Variants in SARDH observed in about 807,000 individuals in gnomAD.
The protein encoded by SARDH is sarcosine dehydrogenase, mitochondrial.
A neutral mutation model predicts 109.1 loss-of-function variants in SARDH; 95 were observed. The ratio of observed to expected loss-of-function variants is 0.87; its 90% CI spans 0.74 to 1.03. The LOEUF (loss-of-function observed/expected upper bound fraction) is 1.03, where lower values mean the gene tolerates loss of function less well. SARDH is among the 50% of genes least tolerant of loss of function. The pLI is 0.00. For synonymous variants in SARDH, 572 were observed against 534.8 expected (o/e 1.07, Z -0.96); for missense variants, 1,267 against 1,287.8 (o/e 0.98, Z 0.25).
In SARDH at chr9:133,712,294, G is replaced by A. The variant is rs1039423795; in HGVS notation, c.1328+325C>T. Among the ~76,000 whole-genome samples, 2 of 152,088 alleles carry A rather than the reference G, an allele frequency of 1.3e-5. No homozygotes were observed. The highest frequency in any genetic ancestry group is 6.5e-5 in the Admixed American group (1 of 15,282). ...AGCACAGTTTTCCCAGCTCAGCCCCGCTCCCTCCTGCCCCCAGGCCTCAGT... is the reference window on the plus strand; with the variant it reads ...AGCACAGTTTTCCCAGCTCAGCCCCACTCCCTCCTGCCCCCAGGCCTCAGT... On this transcript the variant is annotated intron_variant, in intron 10 of 20. Transcript: ENST00000439388. The surrounding 1 kb of genome is among the most constrained non-coding windows in gnomAD (Gnocchi z 4.1).
rs1026016826 is a variant in SARDH, at chr9:133,666,693, G to A, written c.2631+42C>T. The A allele has an allele frequency of 1.9e-6, 3 of 1,559,856 alleles. No homozygotes were observed. The highest frequency in any genetic ancestry group is 1.7e-6 in the Non-Finnish European group (2 of 1,152,160). On this transcript the variant is annotated intron_variant, in intron 20 of 20. Coordinates refer to ENST00000439388, the MANE Select transcript of SARDH (RefSeq NM_001134707.2). This position sits in a 1 kb window ranked among gnomAD's most constrained non-coding sequence, Gnocchi z 5.2. ...AGGGAGCTGGTTTGGAGCTGGTGAG[G>A]GATCGGCATCTGCCTTAGCAGGGCC...
downstream of SARDH, among the ~76,000 whole-genome samples, chr9:133,661,346 AAAACAAC>A (rs1275062898): frequency 2.7e-5 from 4 of 150,916 alleles, no homozygotes; most frequent in East Asian, 5.8e-4. Flanking sequence ...TCTCAAAAAA[AAAACAAC>A]AACAACAAAA....
chr9:133,702,792 T>C (rs1254255450), intron 13 of SARDH, 124 bp downstream of exon 13: 2 of 776,086 alleles, frequency 2.6e-6, no homozygotes, highest in Non-Finnish European at 4.3e-6. Flanking sequence ...AAAGCGTGAA[T>C]GCAGAGCCCG....
intron 12 of SARDH, 83 bp from the exon 13 acceptor site, chr9:133,703,112 G>A: frequency 8.1e-7 from 1 of 1,239,092 alleles, no homozygotes; most frequent in Non-Finnish European, 1.2e-6. Flanking sequence ...CGCTGAGGCT[G>A]TGATGGGGTC....
chr9:133,726,876 G>A (rs977870552), intron 6 of SARDH, among the ~76,000 whole-genome samples: 1 of 152,220 alleles, frequency 6.6e-6, no homozygotes. Flanking sequence ...AGCACCTGCT[G>A]TATGCCGGGC....
intron 17 of SARDH, among the ~76,000 whole-genome samples, chr9:133,675,125 T>A (rs562733842): frequency 1.3e-5 from 2 of 152,114 alleles, no homozygotes; most frequent in East Asian, 3.9e-4. Flanking sequence ...GGGAGGACCA[T>A]CTGAGGTCAG....
At position 133,670,671 on chromosome 9, in the gene SARDH, G is replaced by A. The variant is rs778331781; in HGVS notation, c.2408C>T (p.Ser803Leu). Residue 803 changes from serine to leucine, a missense_variant, in exon 19 of 21, where the codon TCG (serine) becomes TTG (leucine). By Grantham distance (145) the Ser-to-Leu change is moderately radical. Transcript: ENST00000439388. The stretch of plus-strand genomic sequence containing the variant: ...CTCCCTCCCCAGGAAGGGCACCGGC[G>A]ACTTGAGCTTGCAGGTGAAGGCCAG... The part of the protein sequence containing the change: ...AGLAFTCKLK[S>L]PVPFLGREAL... 26 of 1,605,462 alleles carry A rather than the reference G, an allele frequency of 1.6e-5. No homozygotes were observed. The highest frequency in any genetic ancestry group is 3.4e-5 in the Admixed American group (2 of 59,086).
chr9:133,665,511 C>T (rs1830032239), intron 20 of SARDH, among the ~76,000 whole-genome samples: 1 of 152,216 alleles, frequency 6.6e-6, no homozygotes, highest in South Asian at 2.1e-4. Flanking sequence ...GGTGAGTGTC[C>T]ACATTTTATA....
rs181201072 is a variant in SARDH, at chr9:133,735,313, G to A, written c.-30-1110C>T. On this transcript the variant is annotated intron_variant, in intron 1 of 20. Transcript: ENST00000439388. Reference sequence around the variant, plus strand: ...ATTGCAGAGTAGGGGCTCAGAAGCCGGGTTAACAGGCCTTCCTCCCCTCTG... The same window carrying A: ...ATTGCAGAGTAGGGGCTCAGAAGCCAGGTTAACAGGCCTTCCTCCCCTCTG... 3.2e-3 allele frequency among the ~76,000 whole-genome samples: 493 copies of A among 152,290 alleles called. 1 individual carries two copies. Among genetic ancestry groups the A allele is most frequent in the Admixed American group, 5.7e-3 (87 of 15,304 alleles).
rs376119469 is a variant in SARDH, at chr9:133,674,079, CCTCT to C, written c.2164-2386_2164-2383del. Among the ~76,000 whole-genome samples, 63 of 152,352 alleles carry C rather than the reference CCTCT, an allele frequency of 4.1e-4. No individual in the cohort carries two copies. The South Asian group carries it at 7.0e-3, about 17-fold the overall frequency. On this transcript the variant is annotated intron_variant, in intron 17 of 20. Transcript: ENST00000439388. ...GAGGGAGGCTGGGGAAATCCAGGGG[CCTCT>C]CTAAGTTCACGGAATCACTAGTTGT... is the stretch of plus-strand genomic sequence containing the variant.
chr9:133,671,483 T>C (rs1025731251), intron 18 of SARDH, 52 bp downstream of exon 18: 15 of 1,505,406 alleles, frequency 1.0e-5, no homozygotes, highest in Non-Finnish European at 1.3e-5. Flanking sequence ...CGAGCGTCAC[T>C]GCCCCCCACT....
chr9:133,665,989 G>C (rs538576166), intron 20 of SARDH, among the ~76,000 whole-genome samples: 1 of 152,174 alleles, frequency 6.6e-6, no homozygotes, highest in African/African-American at 2.4e-5. Context: ...CAGAAAGATG[G>C]GAAAAGGAGG....
At chr9:133,710,463 G>GT (rs1831876153) in intron 10 of SARDH, among the ~76,000 whole-genome samples, 1 of 152,376 alleles carries the variant, frequency 6.6e-6, no homozygotes, top group Middle Eastern at 3.4e-3. Context: ...GACGGCTCAG[G>GT]CTGCCTGGTC....
chr9:133,687,953 G>A (rs1006105111), intron 16 of SARDH, among the ~76,000 whole-genome samples: 16 of 152,118 alleles, frequency 1.1e-4, no homozygotes, highest in Non-Finnish European at 2.1e-4. Context: ...TGCCTCCCCC[G>A]CCACCGCCTG....
Position 133,693,500 on chromosome 9 carries a change from G to T in SARDH, c.1921+758C>A, listed in dbSNP as rs934903639. Among the ~76,000 whole-genome samples the T allele has an allele frequency of 2.6e-5, 4 of 152,258 alleles. No homozygotes were observed. Among genetic ancestry groups the T allele is most frequent in the African/African-American group, 4.8e-5 (2 of 41,464 alleles). ...GCCCCTGCCCCGGGGACAGCACAGA[G>T]AGCTGCACGGTCAGCACCTTCCCCT... On this transcript the variant is annotated intron_variant, in intron 15 of 20. Coordinates refer to ENST00000439388, the MANE Select transcript of SARDH (RefSeq NM_001134707.2). The surrounding 1 kb of genome is among the most constrained non-coding windows in gnomAD (Gnocchi z 5.6).
At chr9:133,678,426 C>G (rs1830588795) in intron 17 of SARDH, among the ~76,000 whole-genome samples, 1 of 152,236 alleles carries the variant, frequency 6.6e-6, no homozygotes, top group African/African-American at 2.4e-5. Context: ...GCCAGAATTC[C>G]TCTTTCCCCA....
intron 10 of SARDH, among the ~76,000 whole-genome samples, chr9:133,710,482 C>T (rs771252923): frequency 7.9e-5 from 12 of 152,354 alleles, no homozygotes; most frequent in Non-Finnish European, 1.3e-4. Context: ...TCTCCCGGGA[C>T]GCCCCCTCGC....
intron 4 of SARDH, among the ~76,000 whole-genome samples, chr9:133,730,472 A>ATTT (rs778714970): frequency 0.43 from 38,260 of 88,672 alleles, 5,292 homozygotes; most frequent in Non-Finnish European, 0.48. Context: ...CTTTTTTTTA[A>ATTT]AAAAAAAAAG....
rs912665585 is a variant in SARDH, at chr9:133,690,663, C to A, written c.1922-136G>T. 6.2e-6 allele frequency: 6 copies of A among 970,860 alleles called. No homozygotes were observed. In the African/African-American group the frequency reaches 8.2e-5, roughly 13 times the overall value. The allele number at this position is 970,860 out of a possible 1,614,324, so 60.1% of individuals were successfully genotyped here. The stretch of plus-strand genomic sequence containing the variant: ...CCTGTGCCTTCACAGTGCCCAGGAA[C>A]CGTATCTGTCCCTCCCTGGGTCCCC... On this transcript the variant is annotated intron_variant, in intron 15 of 20. Transcript: ENST00000439388.
Sources: allele counts gnomAD v4.1 joint callset (sites outside exome capture counted in the v4.1 genomes callset), GRCh38; gene constraint gnomAD v4.1.1; non-coding constraint Gnocchi (gnomAD v3.1); transcripts MANE v1.5; gene names NCBI Gene and HGNC (gene_info 2026-07-23, HGNC 2026-07-21).